Variants in NDST4 observed in about 807,000 individuals in gnomAD.
NDST4 encodes N-deacetylase and N-sulfotransferase 4, also known as N-heparan sulfate sulfotransferase 4.
A neutral mutation model predicts 100.8 loss-of-function variants in NDST4; 63 were observed. The ratio of observed to expected loss-of-function variants is 0.62; its 90% CI spans 0.51 to 0.77. NDST4 has a LOEUF of 0.77. Among genes scored for constraint, NDST4 ranks in the 30% least tolerant of loss-of-function variants. The pLI is 0.00. For missense variants in NDST4, 943 were observed against 1,018.4 expected (o/e 0.93, Z 1.01); for synonymous variants, 377 against 361.8 (o/e 1.04, Z -0.48).
At chr4:115,113,371 G>C (rs756626797) in intron 1 of NDST4, 73 bp downstream of exon 1, 6 of 151,832 alleles carry the variant, frequency 4.0e-5, no homozygotes, top group Non-Finnish European at 8.8e-5. Context: ...TGTCCGACTT[G>C]TTTACATAGC....
At chr4:114,973,673 A>C (rs1033640590) in intron 3 of NDST4, among the ~76,000 whole-genome samples, 12 of 151,878 alleles carry the variant, frequency 7.9e-5, no homozygotes, top group Non-Finnish European at 1.3e-4. Flanking sequence ...AAATTTCTTT[A>C]AGTCTGCCAA....
At chr4:115,039,112 C>G (rs1230980124) in intron 2 of NDST4, among the ~76,000 whole-genome samples, 1 of 152,104 alleles carries the variant, frequency 6.6e-6, no homozygotes, top group Non-Finnish European at 1.5e-5. Context: ...GGTGAGCAGG[C>G]ATTTCAGTGA....
In NDST4 at chr4:115,003,132, G is replaced by A. The variant is rs538351880; in HGVS notation, c.979-25858C>T. ...ATTAGGACAAATACATAATGCATGCGGGGCTTAAAACCTAGATGACAGGTT... is the reference window on the plus strand; with the variant it reads ...ATTAGGACAAATACATAATGCATGCAGGGCTTAAAACCTAGATGACAGGTT... On this transcript the variant is annotated intron_variant, in intron 2 of 13. Coordinates refer to ENST00000264363, the MANE Select transcript of NDST4 (RefSeq NM_022569.3). Among the ~76,000 whole-genome samples, 226 of 152,198 alleles carry A rather than the reference G, an allele frequency of 1.5e-3. 1 individual carries two copies. The highest frequency in any genetic ancestry group is 3.9e-3 in the Admixed American group (59 of 15,258).
intron 4 of NDST4, among the ~76,000 whole-genome samples, chr4:114,960,327 G>T (rs182365517): frequency 9.9e-5 from 15 of 152,132 alleles, no homozygotes; most frequent in Admixed American, 5.9e-4. Flanking sequence ...AGAAATAAAG[G>T]CTGGGTGTGG....
chr4:115,098,001 C>T (rs538315638), intron 1 of NDST4, among the ~76,000 whole-genome samples: 1 of 152,046 alleles, frequency 6.6e-6, no homozygotes, highest in South Asian at 2.1e-4. Flanking sequence ...TAGTTGTTTC[C>T]GGTTTCCCGG....
intron 2 of NDST4, among the ~76,000 whole-genome samples, chr4:114,988,654 C>G (rs557849581): frequency 2.2e-4 from 33 of 152,104 alleles, no homozygotes; most frequent in African/African-American, 8.0e-4. Flanking sequence ...AGCCACCATG[C>G]CCGGCCTACA....
At chr4:114,852,950 G>T (rs72893338) in intron 7 of NDST4, 129 bp from the exon 8 acceptor site, 7,489 of 548,058 alleles carry the variant, frequency 0.014, 423 homozygotes, top group African/African-American at 0.13. Flanking sequence ...CCTCACTCTC[G>T]TTCTCTGGTT....
intron 4 of NDST4, among the ~76,000 whole-genome samples, chr4:114,960,602 G>A (rs575030739): frequency 4.6e-5 from 7 of 152,152 alleles, no homozygotes; most frequent in African/African-American, 1.7e-4. Flanking sequence ...AGGTAATTAC[G>A]TATTTATGGA....
intron 2 of NDST4, among the ~76,000 whole-genome samples, chr4:114,986,825 TATATATA>T (rs1560845454): frequency 1.5e-4 from 18 of 120,318 alleles, no homozygotes; most frequent in East Asian, 9.4e-4. Flanking sequence ...TATATATATA[TATATATA>T]TTTTAATATA....
intron 2 of NDST4, among the ~76,000 whole-genome samples, chr4:114,986,801 T>C (rs1461234484): frequency 7.5e-4 from 19 of 25,170 alleles, no homozygotes; most frequent in African/African-American, 1.6e-3. Flanking sequence ...TACATATATA[T>C]ATATATATAT....
intron 1 of NDST4, among the ~76,000 whole-genome samples, chr4:115,094,195 T>G (rs769764154): frequency 6.6e-6 from 1 of 152,090 alleles, no homozygotes; most frequent in African/African-American, 2.4e-5. Context: ...TCCTATAAAA[T>G]ATTGCTTTAT....
At chr4:114,999,404 TTA>T (rs1159672214) in intron 2 of NDST4, among the ~76,000 whole-genome samples, 1 of 152,078 alleles carries the variant, frequency 6.6e-6, no homozygotes, top group African/African-American at 2.4e-5. Flanking sequence ...ACTTCCTACT[TTA>T]TGAGAAATAA....
chr4:114,987,088 C>T (rs891109759), intron 2 of NDST4, among the ~76,000 whole-genome samples: 7 of 151,588 alleles, frequency 4.6e-5, no homozygotes, highest in African/African-American at 9.7e-5. Flanking sequence ...TTGAAAATAG[C>T]GGAATGAATC....
Position 114,894,947 on chromosome 4 carries a change from T to G in NDST4, c.1537-23997A>C, listed in dbSNP as rs150997507. Among the ~76,000 whole-genome samples the G allele has an allele frequency of 9.4e-3, 1,424 of 152,228 alleles. 83 individuals carry two copies. The South Asian group carries it at 0.17, about 18-fold the overall frequency. On this transcript the variant is annotated intron_variant, in intron 6 of 13. Coordinates refer to ENST00000264363, the MANE Select transcript of NDST4 (RefSeq NM_022569.3). ...CCTAGTTTATTGAGAGTTTTTAACATGAAGGGGTGTTGAATTTTATCAAAG... is the reference window on the plus strand; with the variant it reads ...CCTAGTTTATTGAGAGTTTTTAACAGGAAGGGGTGTTGAATTTTATCAAAG...
intron 2 of NDST4, among the ~76,000 whole-genome samples, chr4:115,052,719 C>G (rs1198733179): frequency 6.6e-6 from 1 of 152,106 alleles, no homozygotes. Context: ...GTAAATTACT[C>G]GGGTATGTCT....
intron 13 of NDST4, among the ~76,000 whole-genome samples, chr4:114,829,208 G>A (rs1415793347): frequency 6.6e-6 from 1 of 152,042 alleles, no homozygotes; most frequent in Non-Finnish European, 1.5e-5. Context: ...TTCCAAGCCT[G>A]TTCTACCAGA....
intron 2 of NDST4, among the ~76,000 whole-genome samples, chr4:115,007,094 A>G (rs1727436696): frequency 6.6e-6 from 1 of 152,164 alleles, no homozygotes; most frequent in African/African-American, 2.4e-5. Flanking sequence ...TCTCCATTTT[A>G]TATCTCAGGA....
intron 6 of NDST4, among the ~76,000 whole-genome samples, chr4:114,898,847 G>A (rs1451890214): frequency 1.3e-5 from 2 of 151,934 alleles, no homozygotes; most frequent in Admixed American, 1.3e-4. Flanking sequence ...ATAAAGGGAA[G>A]CAATTGACTT....
rs77863917 is a variant in NDST4, at chr4:114,978,740, G to T, written c.979-1466C>A. The stretch of plus-strand genomic sequence containing the variant: ...GCTGTATTCCATGCACAATTTCTTA[G>T]TCTCCTTATCTTGATTTTTAAAAAA... On this transcript the variant is annotated intron_variant, in intron 2 of 13. Coordinates refer to ENST00000264363, the MANE Select transcript of NDST4 (RefSeq NM_022569.3). Among the ~76,000 whole-genome samples the T allele has an allele frequency of 7.4e-3, 1,125 of 151,348 alleles. 14 individuals carry two copies. Among genetic ancestry groups the T allele is most frequent in the Middle Eastern group, 0.017 (5 of 292 alleles).
Sources: allele counts gnomAD v4.1 joint callset (sites outside exome capture counted in the v4.1 genomes callset), GRCh38; gene constraint gnomAD v4.1.1; transcripts MANE v1.5; gene names NCBI Gene and HGNC (gene_info 2026-07-23, HGNC 2026-07-21).